Variants in GABRB2 observed in about 807,000 individuals in gnomAD.
GABRB2 encodes the protein gamma-aminobutyric acid receptor subunit beta-2.
Under a neutral mutation model 54.7 loss-of-function variants are expected in GABRB2, and 16 were observed. The ratio of observed to expected loss-of-function variants is 0.29; its 90% CI spans 0.20 to 0.44. The LOEUF (loss-of-function observed/expected upper bound fraction) is 0.44, where lower values mean the gene tolerates loss of function less well. Among genes scored for constraint, GABRB2 ranks in the 20% least tolerant of loss-of-function variants. GABRB2 has a pLI of 1.00. For synonymous variants in GABRB2, 244 were observed against 233.8 expected, an observed-to-expected ratio of 1.04 and a Z score of -0.40; for missense variants, 355 against 644.0, an observed-to-expected ratio of 0.55 and a Z score of 4.86.
chr5:161,333,058 A>T (rs1408260626), intron 7 of GABRB2, among the ~76,000 whole-genome samples: 1 of 152,160 alleles, frequency 6.6e-6, no homozygotes, highest in Non-Finnish European at 1.5e-5. Context: ...TTTACTACTT[A>T]TCTAAATCTC....
chr5:161,443,884 T>A (rs1255101724), intron 4 of GABRB2, among the ~76,000 whole-genome samples: 1 of 152,166 alleles, frequency 6.6e-6, no homozygotes, highest in Non-Finnish European at 1.5e-5. Flanking sequence ...TAATGAATCA[T>A]CTTAGTGTAT....
At chr5:161,327,077 A>ACAC in intron 8 of GABRB2, 12 of 360,248 alleles carry the variant, frequency 3.3e-5, no homozygotes, top group Admixed American at 7.7e-5. Context: ...CACACACACA[A>ACAC]ACTAGAAGAA....
intron 9 of GABRB2, among the ~76,000 whole-genome samples, chr5:161,320,496 T>C (rs1227109141): frequency 6.6e-6 from 1 of 151,878 alleles, no homozygotes; most frequent in African/African-American, 2.4e-5. Flanking sequence ...TCTTTTGATT[T>C]AAATTATATG....
At chr5:161,517,570 G>A (rs931673420) in intron 3 of GABRB2, among the ~76,000 whole-genome samples, 1 of 152,006 alleles carries the variant, frequency 6.6e-6, no homozygotes, top group African/African-American at 2.4e-5. Context: ...ACTTGAGGGG[G>A]GACTGGTGTA....
At chr5:161,525,519 C>T (rs1760250887) in intron 3 of GABRB2, among the ~76,000 whole-genome samples, 1 of 151,142 alleles carries the variant, frequency 6.6e-6, no homozygotes, top group African/African-American at 2.4e-5. Context: ...GACCACACTT[C>T]TCTTGATACA....
At chr5:161,521,677 G>A (rs1427529551) in intron 3 of GABRB2, among the ~76,000 whole-genome samples, 1 of 151,810 alleles carries the variant, frequency 6.6e-6, no homozygotes, top group East Asian at 1.9e-4. Context: ...TATCATTGTT[G>A]TACATATTTA....
At chr5:161,373,298 T>G (rs1210385413) in intron 5 of GABRB2, among the ~76,000 whole-genome samples, 1 of 152,170 alleles carries the variant, frequency 6.6e-6, no homozygotes, top group Non-Finnish European at 1.5e-5. Context: ...ACTGATTCTG[T>G]GACTTGCAGA....
rs186208626 is a variant in GABRB2, at chr5:161,380,717, T to G, written c.541+30258A>C. 1.2e-3 allele frequency among the ~76,000 whole-genome samples: 188 copies of G among 152,206 alleles called. 1 individual carries two copies. Among genetic ancestry groups the G allele is most frequent in the African/African-American group, 4.4e-3 (184 of 41,538 alleles). ...TCAAGTCTTAAGTAATGCAGAAAATTTGAAAACCATAAATGCTGCAAAGAC... is the reference window on the plus strand; with the variant it reads ...TCAAGTCTTAAGTAATGCAGAAAATGTGAAAACCATAAATGCTGCAAAGAC... On this transcript the variant is annotated intron_variant, in intron 5 of 9. Transcript: ENST00000393959.
At chr5:161,406,324 A>G (rs1301320093) in intron 5 of GABRB2, among the ~76,000 whole-genome samples, 2 of 152,162 alleles carry the variant, frequency 1.3e-5, no homozygotes, top group Middle Eastern at 3.4e-3. Context: ...AAAACATTCT[A>G]TGAGGAAGTA....
upstream of GABRB2, among the ~76,000 whole-genome samples, chr5:161,547,714 G>T (rs1174242810): frequency 6.6e-6 from 1 of 152,114 alleles, no homozygotes; most frequent in Non-Finnish European, 1.5e-5. Context: ...TGCGGGTGAC[G>T]GGCGCCCTAG....
At chr5:161,400,418 C>T (rs1455461316) in intron 5 of GABRB2, among the ~76,000 whole-genome samples, 1 of 152,068 alleles carries the variant, frequency 6.6e-6, no homozygotes, top group Non-Finnish European at 1.5e-5. Context: ...ACTAAGTAAA[C>T]ACGTTTGCAT....
intron 3 of GABRB2, among the ~76,000 whole-genome samples, chr5:161,505,921 C>T (rs949509774): frequency 1.3e-5 from 2 of 152,046 alleles, no homozygotes; most frequent in African/African-American, 4.8e-5. Context: ...TACTTCTATT[C>T]AATATTGCAT....
chr5:161,401,321 C>A (rs1756182675), intron 5 of GABRB2, among the ~76,000 whole-genome samples: 1 of 152,092 alleles, frequency 6.6e-6, no homozygotes, highest in Non-Finnish European at 1.5e-5. Flanking sequence ...TTTGCAAATA[C>A]AAAAATAACT....
intron 5 of GABRB2, among the ~76,000 whole-genome samples, chr5:161,339,266 T>C (rs1189643476): frequency 6.6e-6 from 1 of 152,176 alleles, no homozygotes; most frequent in Non-Finnish European, 1.5e-5. Flanking sequence ...TAACCAAGAT[T>C]CTCCTTGGTT....
At chr5:161,343,240 T>C (rs1037931879) in intron 5 of GABRB2, among the ~76,000 whole-genome samples, 1 of 152,006 alleles carries the variant, frequency 6.6e-6, no homozygotes, top group Non-Finnish European at 1.5e-5. Context: ...TGTCAAATCA[T>C]TTCTAGACCT....
In GABRB2 at chr5:161,458,201, T is replaced by C. The variant is rs1433276209; in HGVS notation, c.458+1423A>G. Reference sequence around the variant, plus strand: ...ATGTTTTGTAGTTGATTCCAAGTAATAATTTTAGTATCATGTATCTGCTGA... The same window carrying C: ...ATGTTTTGTAGTTGATTCCAAGTAACAATTTTAGTATCATGTATCTGCTGA... On this transcript the variant is annotated intron_variant, in intron 4 of 9. Transcript: ENST00000393959. Among the ~76,000 whole-genome samples, 3 of 152,218 alleles carry C rather than the reference T, an allele frequency of 2.0e-5. No individual in the cohort carries two copies. The East Asian group carries it at 5.8e-4, about 29-fold the overall frequency.
At chr5:161,480,434 A>G (rs1263065150) in intron 3 of GABRB2, among the ~76,000 whole-genome samples, 1 of 151,996 alleles carries the variant, frequency 6.6e-6, no homozygotes, top group Non-Finnish European at 1.5e-5. Flanking sequence ...TTCCTTGACT[A>G]CTTTTGTGTG....
At chr5:161,494,959 C>T (rs962850936) in intron 3 of GABRB2, among the ~76,000 whole-genome samples, 1 of 151,798 alleles carries the variant, frequency 6.6e-6, no homozygotes, top group African/African-American at 2.4e-5. Context: ...TGATTGTTTT[C>T]AGGCTTTTAA....
At chr5:161,473,381 G>T (rs919225471) in intron 3 of GABRB2, among the ~76,000 whole-genome samples, 5 of 152,000 alleles carry the variant, frequency 3.3e-5, no homozygotes, top group African/African-American at 1.2e-4. Flanking sequence ...CGGAAAAAGT[G>T]TAAGTAAGGT....
Sources: gnomAD v4.1 joint callset for allele counts (sites outside exome capture counted in the v4.1 genomes callset) on GRCh38, gnomAD v4.1.1 for gene constraint, MANE v1.5 for transcripts, NCBI Gene and HGNC (gene_info 2026-07-23, HGNC 2026-07-21) for gene names.